Variants in LOC400499 observed in about 807,000 individuals in gnomAD.
the LOC400499 span, chr16:11,384,998 G>A: frequency 8.1e-6 from 10 of 1,232,138 alleles, no homozygotes; most frequent in East Asian, 6.3e-5. Context: ...CTTCCTTGTC[G>A]TGGCAGGATG....
the LOC400499 span, chr16:11,448,118 C>G: frequency 2.0e-6 from 3 of 1,514,312 alleles, no homozygotes; most frequent in East Asian, 4.9e-5. Flanking sequence ...CCAGCAGGAC[C>G]AAGCTGCAGA....
chr16:11,429,113 C>T, the LOC400499 span, among the ~76,000 whole-genome samples: 1 of 152,128 alleles, frequency 6.6e-6, no homozygotes, highest in South Asian at 2.1e-4. Context: ...CCCCAACAAC[C>T]CTCATGTTGA....
the LOC400499 span, among the ~76,000 whole-genome samples, chr16:11,433,766 C>A: frequency 6.6e-6 from 1 of 152,178 alleles, no homozygotes; most frequent in Admixed American, 6.5e-5. Flanking sequence ...ATCCCTGAAC[C>A]ATGGGGTTCA....
At chr16:11,388,957 C>T in the LOC400499 span, among the ~76,000 whole-genome samples, 1 of 152,176 alleles carries the variant, frequency 6.6e-6, no homozygotes, top group Non-Finnish European at 1.5e-5. Context: ...CTTGGTGGCA[C>T]ATGCTTGTAA....
chr16:11,487,022 C>T, the LOC400499 span, among the ~76,000 whole-genome samples: 4 of 151,342 alleles, frequency 2.6e-5, no homozygotes, highest in African/African-American at 9.7e-5. Flanking sequence ...GACGGATGGA[C>T]AGATGAGCAG....
At chr16:11,503,948 G>A in the LOC400499 span, among the ~76,000 whole-genome samples, 1 of 152,290 alleles carries the variant, frequency 6.6e-6, no homozygotes, top group African/African-American at 2.4e-5. Flanking sequence ...TTCCTAATGG[G>A]CTCGGCCACA....
At chr16:11,396,740 C>T in the LOC400499 span, 1 of 1,197,990 alleles carries the variant, frequency 8.3e-7, no homozygotes, top group Non-Finnish European at 1.0e-6. Flanking sequence ...TCCCCAGTCC[C>T]CTGCACCGAG....
chr16:11,527,164 G>A, the LOC400499 span, among the ~76,000 whole-genome samples: 1 of 152,158 alleles, frequency 6.6e-6, no homozygotes, highest in Admixed American at 6.5e-5. Context: ...GGAGTCCCAC[G>A]GGGGCCGGCA....
At chr16:11,386,561 G>A in the LOC400499 span, among the ~76,000 whole-genome samples, 2 of 152,238 alleles carry the variant, frequency 1.3e-5, no homozygotes, top group African/African-American at 4.8e-5. Flanking sequence ...CCATAGACAT[G>A]AGGGGCTCCC....
At chr16:11,456,152 C>A in the LOC400499 span, among the ~76,000 whole-genome samples, 1 of 151,878 alleles carries the variant, frequency 6.6e-6, no homozygotes, top group Non-Finnish European at 1.5e-5. Context: ...TCAAGCGATC[C>A]TCCTGCCTCA....
At chr16:11,449,444 G>C in the LOC400499 span, among the ~76,000 whole-genome samples, 1 of 152,144 alleles carries the variant, frequency 6.6e-6, no homozygotes. Context: ...CTGGCAGGTG[G>C]CCTTCTCTCC....
the LOC400499 span, chr16:11,523,313 G>A: frequency 2.5e-6 from 1 of 398,070 alleles, no homozygotes; most frequent in African/African-American, 2.1e-5. Flanking sequence ...GGCCCTCTGG[G>A]GCTGTCTCTA....
chr16:11,478,669 C>T, the LOC400499 span: 2 of 399,226 alleles, frequency 5.0e-6, no homozygotes, highest in Non-Finnish European at 8.8e-6. Context: ...CTGCCGGGCC[C>T]CACGCCTCCG....
At chr16:11,376,888 C>G in the LOC400499 span, among the ~76,000 whole-genome samples, 1 of 151,748 alleles carries the variant, frequency 6.6e-6, no homozygotes, top group South Asian at 2.1e-4. Context: ...AAATCTTTGC[C>G]TCCTGGTTAA....
chr16:11,491,395 G>C, the LOC400499 span, among the ~76,000 whole-genome samples: 4 of 152,120 alleles, frequency 2.6e-5, no homozygotes, highest in Non-Finnish European at 4.4e-5. Flanking sequence ...TCTGGCCAGA[G>C]CTAAAAGAGG....
the LOC400499 span, among the ~76,000 whole-genome samples, chr16:11,519,188 C>T: frequency 7.2e-5 from 11 of 152,172 alleles, no homozygotes; most frequent in African/African-American, 1.4e-4. Context: ...CCCTGCTAAA[C>T]GTCTGGAAAG....
the LOC400499 span, among the ~76,000 whole-genome samples, chr16:11,380,567 G>A: frequency 8.1e-3 from 1,226 of 152,250 alleles, 9 homozygotes; most frequent in Non-Finnish European, 0.012. Context: ...TTTCCTATGA[G>A]AATTCATAAT....
the LOC400499 span, among the ~76,000 whole-genome samples, chr16:11,484,333 A>G: frequency 6.6e-6 from 1 of 152,220 alleles, no homozygotes; most frequent in Non-Finnish European, 1.5e-5. Flanking sequence ...AAGGATCTGG[A>G]AGAGACTTTT....
chr16:11,383,690 G>A, the LOC400499 span: 13 of 1,232,402 alleles, frequency 1.1e-5, no homozygotes, highest in African/African-American at 1.2e-4. Flanking sequence ...GCACACAGGT[G>A]GATGTAGGCG....
Sources: gnomAD v4.1 joint callset for allele counts (sites outside exome capture counted in the v4.1 genomes callset) on GRCh38, gnomAD v4.1.1 for gene constraint, MANE v1.5 for transcripts.